Variants in FRK observed in about 807,000 individuals in gnomAD.
The protein encoded by FRK is tyrosine-protein kinase FRK.
FRK carries 51 observed loss-of-function variants against 56.4 expected under a neutral mutation model. The observed-to-expected ratio is 0.90, with a 90% CI of 0.72 to 1.14. The LOEUF is 1.14. Among genes scored for constraint, FRK ranks in the 50% most tolerant of loss-of-function variants. The pLI, the probability that FRK is intolerant of heterozygous loss-of-function variation, is 0.00. For missense variants in FRK, 570 were observed against 601.4 expected (o/e 0.95, Z 0.55); for synonymous variants, 245 against 217.9 (o/e 1.12, Z -1.10).
chr6:115,990,787 T>A (rs759747717), intron 2 of FRK, among the ~76,000 whole-genome samples: 1 of 151,716 alleles, frequency 6.6e-6, no homozygotes, highest in Non-Finnish European at 1.5e-5. Flanking sequence ...AATTTTAGAA[T>A]TTTTTTTCTA....
intron 1 of FRK, among the ~76,000 whole-genome samples, chr6:116,026,653 G>A (rs2114750673): frequency 6.6e-6 from 1 of 152,060 alleles, no homozygotes; most frequent in East Asian, 1.9e-4. Flanking sequence ...AAAATGTCAG[G>A]GATGTGGATA....
intron 1 of FRK, among the ~76,000 whole-genome samples, chr6:116,027,195 A>G (rs188593925): frequency 3.7e-4 from 57 of 152,304 alleles, no homozygotes; most frequent in Non-Finnish European, 7.5e-4. Flanking sequence ...TCAAACTGCT[A>G]TTCTTTAACA....
chr6:116,007,571 T>C (rs1775289341), intron 1 of FRK, among the ~76,000 whole-genome samples: 1 of 152,210 alleles, frequency 6.6e-6, no homozygotes, highest in Non-Finnish European at 1.5e-5. Flanking sequence ...ACACCATGTA[T>C]TTTGGTCCTC....
At position 116,001,139 on chromosome 6, in the gene FRK, G is replaced by A. The variant is rs1306697728; in HGVS notation, c.466+2738C>T. ...TGTATTCCCAGCTACTGGGGAGGCT[G>A]AGGGAGGAGAATTGCTTGAACCCAG... On this transcript the variant is annotated intron_variant, in intron 2 of 7. Coordinates refer to ENST00000606080, the MANE Select transcript of FRK (RefSeq NM_002031.3). Among the ~76,000 whole-genome samples, 3 of 152,026 alleles carry A rather than the reference G, an allele frequency of 2.0e-5. No homozygotes were observed. The South Asian group carries it at 6.2e-4, about 32-fold the overall frequency.
At position 115,934,077 on chromosome 6, in the gene FRK, A is replaced by T. The variant is rs574574056; in HGVS notation, c.*8337T>A. 6.6e-6 allele frequency: 1 copy of T among 152,320 alleles called. No individual in the cohort carries two copies. The highest frequency in any genetic ancestry group is 1.9e-4 in the East Asian group (1 of 5,186). The allele number at this position is 152,320 out of a possible 1,614,324, so 9.4% of individuals were successfully genotyped here. A position where few individuals can be genotyped will look rare whatever the true frequency, so the allele number is the denominator to read the frequency against. On this transcript the variant is annotated 3_prime_UTR_variant, in exon 8 of 8. Coordinates refer to ENST00000606080, the MANE Select transcript of FRK (RefSeq NM_002031.3). ...TCAACATACCCGCATGTATATATTT[A>T]GAGAGAGAGAAAGGAGGGAGATGAG...
At chr6:116,039,543 G>A (rs1776631790) in intron 1 of FRK, 2 of 1,022,764 alleles carry the variant, frequency 2.0e-6, no homozygotes, top group Non-Finnish European at 3.1e-6. Flanking sequence ...GGACTAAGCA[G>A]CCCAGAAGCC....
In FRK at chr6:115,967,684, T is replaced by G; in HGVS notation, c.666A>C (p.Lys222Asn). 1 of 1,612,288 alleles carries G rather than the reference T, an allele frequency of 6.2e-7. No homozygotes were observed. Among genetic ancestry groups the G allele is most frequent in the Admixed American group, 1.7e-5 (1 of 59,918 alleles). ...GGTCTATCTCCCATTGGTCCACGGT[T>G]TTATACGACAAATCAAATGGAGCTG... ...QVPAPFDLSYKTVDQWEIDRN... is the reference protein window; with the variant it reads ...QVPAPFDLSYNTVDQWEIDRN... Residue 222 changes from lysine to asparagine, a missense_variant, in exon 4 of 8, where the codon AAA (lysine) becomes AAC (asparagine). Physicochemically the swap from Lys to Asn is moderately conservative, Grantham distance 94. Transcript: ENST00000606080.
chr6:116,069,380 T>A, the FRK span, among the ~76,000 whole-genome samples: 1 of 152,288 alleles, frequency 6.6e-6, no homozygotes, highest in South Asian at 2.1e-4. Flanking sequence ...CCAAACTCTA[T>A]GTGCAAAGTA....
chr6:116,038,983 A>T, intron 1 of FRK: 1 of 712,170 alleles, frequency 1.4e-6, no homozygotes. Context: ...TTTACTTGGG[A>T]GATCAGCCCT....
At chr6:116,000,288 G>T (rs576242584) in intron 2 of FRK, among the ~76,000 whole-genome samples, 1 of 124,876 alleles carries the variant, frequency 8.0e-6, no homozygotes. Flanking sequence ...TGTCACCCAG[G>T]ATGGAGTACA....
At chr6:116,076,066 T>C in the FRK span, among the ~76,000 whole-genome samples, 1 of 150,926 alleles carries the variant, frequency 6.6e-6, no homozygotes, top group Non-Finnish European at 1.5e-5. Context: ...TTCTTAGTGC[T>C]CTTCTTGTTT....
intron 5 of FRK, among the ~76,000 whole-genome samples, chr6:115,944,653 C>T (rs1772348773): frequency 6.6e-6 from 1 of 152,126 alleles, no homozygotes; most frequent in Non-Finnish European, 1.5e-5. Flanking sequence ...AACAAGTCAT[C>T]ACATGATCCA....
At chr6:116,066,817 A>T in the FRK span, among the ~76,000 whole-genome samples, 1 of 152,132 alleles carries the variant, frequency 6.6e-6, no homozygotes, top group Non-Finnish European at 1.5e-5. Flanking sequence ...ATTTGGATGG[A>T]TCTTTCTGTT....
chr6:116,055,498 G>C (rs1407368066), intron 1 of FRK, among the ~76,000 whole-genome samples: 1 of 152,202 alleles, frequency 6.6e-6, no homozygotes, highest in Non-Finnish European at 1.5e-5. Flanking sequence ...CCCTGCTAAA[G>C]TGCTAACAAG....
chr6:116,100,577 C>T, the FRK span, among the ~76,000 whole-genome samples: 1 of 152,126 alleles, frequency 6.6e-6, no homozygotes. Flanking sequence ...AGGCTACGTG[C>T]CTACAGGTCT....
At chr6:116,067,796 T>G in the FRK span, among the ~76,000 whole-genome samples, 1 of 152,304 alleles carries the variant, frequency 6.6e-6, no homozygotes, top group African/African-American at 2.4e-5. Flanking sequence ...AAAGGCTGAA[T>G]GATAATGTCT....
chr6:116,039,598 G>A (rs140863520), intron 1 of FRK: 9 of 783,392 alleles, frequency 1.1e-5, no homozygotes, highest in Non-Finnish European at 1.9e-5. Context: ...GGTGTCATCT[G>A]CCCCCTCTTG....
At chr6:116,027,530 T>G (rs191390366) in intron 1 of FRK, among the ~76,000 whole-genome samples, 1 of 152,118 alleles carries the variant, frequency 6.6e-6, no homozygotes, top group Non-Finnish European at 1.5e-5. Flanking sequence ...ACAATGTAAA[T>G]TTAGAAAAAT....
chr6:116,027,519 A>T (rs1260345855), intron 1 of FRK, among the ~76,000 whole-genome samples: 1 of 152,194 alleles, frequency 6.6e-6, no homozygotes, highest in Non-Finnish European at 1.5e-5. Flanking sequence ...AACTAGGCAC[A>T]ACAATGTAAA....
Sources: gnomAD v4.1 joint callset for allele counts (sites outside exome capture counted in the v4.1 genomes callset) on GRCh38, gnomAD v4.1.1 for gene constraint, MANE v1.5 for transcripts, NCBI Gene and HGNC (gene_info 2026-07-23, HGNC 2026-07-21) for gene names.